Variants in STIL observed in about 807,000 individuals in gnomAD.
STIL encodes the protein SCL-interrupting locus protein.
A neutral mutation model predicts 110.1 loss-of-function variants in STIL; 55 were observed. That is an observed-to-expected ratio of 0.50 (90% confidence interval 0.40 to 0.63). STIL has a LOEUF of 0.63. Ranked by LOEUF, STIL falls within the 20% of genes least tolerant of loss-of-function variation. The probability of loss-of-function intolerance (pLI) is 0.00; values close to 1 mark genes in which losing one functional copy is unlikely to be tolerated. For missense variants in STIL, 1,358 were observed against 1,530.0 expected, an observed-to-expected ratio of 0.89 and a Z score of 1.87; for synonymous variants, 481 against 530.0, an observed-to-expected ratio of 0.91 and a Z score of 1.27.
intron 14 of STIL, among the ~76,000 whole-genome samples, chr1:47,265,237 C>CAAAAAAAAAAAAAAAAAAAA (rs61666574): frequency 3.9e-5 from 2 of 51,656 alleles, no homozygotes; most frequent in East Asian, 4.7e-4. Context: ...CTCCATCTCC[C>CAAAAAAAAAAAAAAAAAAAA]AAAAAAAAAA....
intron 13 of STIL, among the ~76,000 whole-genome samples, chr1:47,270,422 CAAG>C (rs1190257900): frequency 6.6e-6 from 1 of 151,262 alleles, no homozygotes; most frequent in African/African-American, 2.4e-5. Context: ...TCTGCTTTTT[CAAG>C]AAGGGTGGCT....
At position 47,280,825 on chromosome 1, in the gene STIL, T is replaced by G; in HGVS notation, c.1633A>C (p.Asn545His). 6.2e-7 allele frequency: 1 copy of G among 1,614,184 alleles called. No individual in the cohort carries two copies. The highest frequency in any genetic ancestry group is 8.5e-7 in the Non-Finnish European group (1 of 1,180,036). Reference sequence around the variant, plus strand: ...ATAGGATACTCTTCGTTTTGTACATTTCCAGCAGAAACTGTTTGGAGCTTT... The same window carrying G: ...ATAGGATACTCTTCGTTTTGTACATGTCCAGCAGAAACTGTTTGGAGCTTT... ...FEKLQTVSAG[N>H]VQNEEYPIRP... The change falls in exon 12 of 17, where the codon AAT becomes CAT. Residue 545 changes from asparagine (N) to histidine (H), a missense_variant. Asn to His is a moderately conservative substitution (Grantham distance 68, BLOSUM62 1). Transcript: ENST00000371877.
chr1:47,281,170 C>A lies in STIL; in HGVS notation c.1288G>T (p.Val430Leu). The A allele has an allele frequency of 1.9e-6, 3 of 1,613,490 alleles. No individual in the cohort carries two copies. Among genetic ancestry groups the A allele is most frequent in the Non-Finnish European group, 2.5e-6 (3 of 1,179,876 alleles). ...IQPSVPELSL[V>L]LDGNFIESNP... Reference sequence around the variant, plus strand: ...GATTCTATGAAATTGCCATCCAACACAAGTGAAAGTTCAGGAACTGATGGT... The same window carrying A: ...GATTCTATGAAATTGCCATCCAACAAAAGTGAAAGTTCAGGAACTGATGGT... Residue 430 changes from valine (V) to leucine (L), a missense_variant, in exon 12 of 17, where the codon GTG becomes TTG. By Grantham distance (32) the Val-to-Leu change is conservative. Coordinates refer to ENST00000371877, the MANE Select transcript of STIL (RefSeq NM_001048166.1).
Position 47,299,455 on chromosome 1 carries a change from C to T in STIL, c.701+450G>A, listed in dbSNP as rs189482842. Among the ~76,000 whole-genome samples the T allele has an allele frequency of 6.3e-3, 922 of 146,598 alleles. 10 individuals carry two copies. Among genetic ancestry groups the T allele is most frequent in the African/African-American group, 0.022 (843 of 39,158 alleles). ...TTGCCCAGGCTAGAGTGCTGTGGTG[C>T]GATCTCAGCTCATTGCAACCTCCAC... On this transcript the variant is annotated intron_variant, in intron 6 of 16. Transcript: ENST00000371877.
At position 47,258,992 on chromosome 1, in the gene STIL, C is replaced by CTTTTTTTTTTTTTTTTTTTTTTTTT. The variant is rs549227243; in HGVS notation, c.3080+1296_3080+1297insAAAAAAAAAAAAAAAAAAAAAAAAA. Among the ~76,000 whole-genome samples the CTTTTTTTTTTTTTTTTTTTTTTTTT allele has an allele frequency of 3.2e-5, 3 of 94,402 alleles. 1 individual carries two copies. The highest frequency in any genetic ancestry group is 1.2e-4 in the Admixed American group (1 of 8,096). 61.9% of individuals were successfully genotyped at this position (94,402 alleles called of 152,430 possible). A position where few individuals can be genotyped will look rare whatever the true frequency, so the allele number is the denominator to read the frequency against. On this transcript the variant is annotated intron_variant, in intron 16 of 16. Coordinates refer to ENST00000371877, the MANE Select transcript of STIL (RefSeq NM_001048166.1). ...GAAATGGTTAAGAGAAGTAACTTTG[C>CTTTTTTTTTTTTTTTTTTTTTTTTT]TTTTTTTTTTTTTTGAGACAGTCTT...
chr1:47,296,172 T>C (rs1490303733), intron 6 of STIL, among the ~76,000 whole-genome samples: 1 of 152,216 alleles, frequency 6.6e-6, no homozygotes, highest in Non-Finnish European at 1.5e-5. Flanking sequence ...GGTAGGCAGT[T>C]TCAGAACCAA....
At chr1:47,257,731 T>C (rs1389508048) in intron 16 of STIL, among the ~76,000 whole-genome samples, 1 of 152,230 alleles carries the variant, frequency 6.6e-6, no homozygotes, top group African/African-American at 2.4e-5. Flanking sequence ...TGTGATTCCA[T>C]GGCATTCCCT....
chr1:47,301,638 A>G lies in STIL; in HGVS notation c.376T>C (p.Cys126Arg). 1 of 1,614,064 alleles carries G rather than the reference A, an allele frequency of 6.2e-7. No individual in the cohort carries two copies. The highest frequency in any genetic ancestry group is 8.5e-7 in the Non-Finnish European group (1 of 1,180,014). ...CAAAGTTCTTGAGTATGAACTTTGC[A>G]TGGAATCAAAAAGTCCCCAGGAAGA... ...ASLPGDFLIP[C>R]KVHTQELCSR... The change falls in exon 5 of 17, where the codon TGC becomes CGC. Residue 126 changes from cysteine to arginine, a missense_variant. Physicochemically the swap from Cys to Arg is radical, Grantham distance 180 (BLOSUM62 -3). Transcript: ENST00000371877.
intron 6 of STIL, among the ~76,000 whole-genome samples, chr1:47,297,476 A>G (rs1248875824): frequency 5.3e-5 from 8 of 152,216 alleles, no homozygotes; most frequent in Non-Finnish European, 1.2e-4. Context: ...AACATATTCA[A>G]TAGATAGTAA....
chr1:47,270,255 T>TATATATACACACAC (rs775684329), intron 13 of STIL, among the ~76,000 whole-genome samples: 2 of 119,398 alleles, frequency 1.7e-5, no homozygotes, highest in African/African-American at 6.6e-5. Context: ...TATATATATA[T>TATATATACACACAC]ACACACACAC....
intron 12 of STIL, among the ~76,000 whole-genome samples, chr1:47,279,550 G>A (rs1372198102): frequency 2.0e-5 from 3 of 151,784 alleles, no homozygotes; most frequent in Admixed American, 6.6e-5. Context: ...CCAACATGGC[G>A]AAACCCCGTC....
rs1644149639 is a variant in STIL, at chr1:47,250,172, T to C, written c.*964A>G. ...TCAATCTAGACATTTTATTAAGTTC[T>C]ATTAAAAAATATTAAGACATCTGAA... On this transcript the variant is annotated 3_prime_UTR_variant, in exon 17 of 17. Coordinates refer to ENST00000371877, the MANE Select transcript of STIL (RefSeq NM_001048166.1). The C allele has an allele frequency of 6.0e-6, 1 of 166,642 alleles. No homozygotes were observed. Among genetic ancestry groups the C allele is most frequent in the African/African-American group, 2.4e-5 (1 of 41,950 alleles). 10.3% of individuals were successfully genotyped at this position (166,642 alleles called of 1,614,324 possible).
At chr1:47,253,836 T>A (rs993726426) in intron 16 of STIL, among the ~76,000 whole-genome samples, 1 of 152,122 alleles carries the variant, frequency 6.6e-6, no homozygotes, top group East Asian at 1.9e-4. Context: ...ATATTTTCAT[T>A]CTTATAAGCA....
At chr1:47,293,993 A>G (rs1297779648) in intron 7 of STIL, among the ~76,000 whole-genome samples, 1 of 152,234 alleles carries the variant, frequency 6.6e-6, no homozygotes, top group Non-Finnish European at 1.5e-5. Context: ...GTAGTCAGAA[A>G]GAGAGAAGGC....
At chr1:47,313,889 T>C (rs1050596067) in intron 1 of STIL, 147 bp downstream of exon 1, 11 of 152,290 alleles carry the variant, frequency 7.2e-5, no homozygotes, top group African/African-American at 2.4e-4. Flanking sequence ...ACTGCTTAAT[T>C]TCTCCCACTA....
chr1:47,300,521 T>G (rs1202362861), intron 5 of STIL, among the ~76,000 whole-genome samples: 1 of 151,712 alleles, frequency 6.6e-6, no homozygotes, highest in Non-Finnish European at 1.5e-5. Context: ...CAGGCTGGAG[T>G]GCAGTGGTGC....
At chr1:47,281,339 C>T (rs1463208040) in intron 11 of STIL, 130 bp from the exon 12 acceptor site, 4 of 1,008,286 alleles carry the variant, frequency 4.0e-6, no homozygotes, top group Non-Finnish European at 4.2e-6. Context: ...TTTATTTAGA[C>T]CATCAGTTAA....
At chr1:47,307,130 G>A (rs1645982874) in intron 2 of STIL, among the ~76,000 whole-genome samples, 1 of 152,250 alleles carries the variant, frequency 6.6e-6, no homozygotes, top group East Asian at 1.9e-4. Context: ...CAGCTTGGGT[G>A]ACAAGAGCAA....
chr1:47,262,950 A>C lies in STIL; in HGVS notation c.2782T>G (p.Leu928Val). Residue 928 changes from leucine (L) to valine (V), a missense_variant, in exon 15 of 17, where the codon TTG becomes GTG. Leu to Val is a conservative substitution (Grantham distance 32). Transcript: ENST00000371877. ...EPKIEHVMQP[L>V]LHQPSDNQKI... The stretch of plus-strand genomic sequence containing the variant: ...TGGTTATCTGATGGTTGATGAAGCA[A>C]GGGTTGCATTACATGCTCAATTTTT... The C allele has an allele frequency of 6.2e-7, 1 of 1,614,174 alleles. No individual in the cohort carries two copies. The highest frequency in any genetic ancestry group is 8.5e-7 in the Non-Finnish European group (1 of 1,180,034).
Sources: allele counts gnomAD v4.1 joint callset (sites outside exome capture counted in the v4.1 genomes callset), GRCh38; gene constraint gnomAD v4.1.1; transcripts MANE v1.5; gene names NCBI Gene and HGNC (gene_info 2026-07-23, HGNC 2026-07-21).